The following NPLOC4 variants were observed in gnomAD, a reference collection of about 807,000 sequenced individuals.
The protein encoded by NPLOC4 is nuclear protein localization protein 4 homolog.
A neutral mutation model predicts 80.6 loss-of-function variants in NPLOC4; 18 were observed. That is an observed-to-expected ratio of 0.22 (90% CI 0.15 to 0.33). NPLOC4 has a LOEUF of 0.33. NPLOC4 is among the 10% of genes least tolerant of loss of function. The pLI, the probability that NPLOC4 is intolerant of heterozygous loss-of-function variation, is 1.00. For missense variants in NPLOC4, 540 were observed against 786.1 expected (o/e 0.69, Z 3.74); for synonymous variants, 313 against 301.5 (o/e 1.04, Z -0.39).
At chr17:81,616,392 GGTCAAATATAACCT>G (rs1170764094) in intron 3 of NPLOC4, among the ~76,000 whole-genome samples, 1 of 150,872 alleles carries the variant, frequency 6.6e-6, no homozygotes, top group Non-Finnish European at 1.5e-5. Flanking sequence ...GACCAAGTTT[GGTCAAATATAACCT>G]GTCATAAGAA....
At chr17:81,629,378 C>T (rs141620602) in intron 2 of NPLOC4, among the ~76,000 whole-genome samples, 63 of 151,798 alleles carry the variant, frequency 4.2e-4, no homozygotes, top group African/African-American at 1.5e-3. Context: ...TTTTAGTAGA[C>T]GGGGTTTCAC....
chr17:81,589,531 CAA>C (rs567322005), intron 11 of NPLOC4, among the ~76,000 whole-genome samples: 26 of 122,468 alleles, frequency 2.1e-4, no homozygotes, highest in Admixed American at 4.1e-4. Context: ...GACTCCATCT[CAA>C]AAAAAAAAAA....
chr17:81,605,647 C>CA (rs879678650), intron 7 of NPLOC4, among the ~76,000 whole-genome samples: 19,022 of 127,904 alleles, frequency 0.15, 1,279 homozygotes, highest in East Asian at 0.22. Context: ...GACTCTGTCT[C>CA]AAAAAAAAAA....
In NPLOC4 at chr17:81,597,261, C is replaced by T. The variant is rs1384809030; in HGVS notation, c.977G>A (p.Arg326His). The T allele has an allele frequency of 1.9e-6, 3 of 1,613,424 alleles. No homozygotes were observed. Among genetic ancestry groups the T allele is most frequent in the East Asian group, 2.2e-5 (1 of 44,874 alleles). ...CCACCTCACCTTATTTCGACTGTAG[C>T]GGACGGTACCCTTTCGGGTATCTTC... ...VSEDTRKGTV[R>H]YSRNKDTYFL... Residue 326 changes from arginine to histidine, a missense_variant, in exon 10 of 17, where the codon CGC (arginine) becomes CAC (histidine). Arg to His is a conservative substitution (Grantham distance 29). This residue lies in a region of NPLOC4 where 251 missense variants were observed against 377.5 expected (regional missense o/e 0.66). Transcript: ENST00000331134.
At chr17:81,564,958 G>A (rs1205529440) in intron 16 of NPLOC4, 7 of 295,318 alleles carry the variant, frequency 2.4e-5, no homozygotes, top group East Asian at 1.0e-4. Flanking sequence ...ACCACGGTGC[G>A]TGAGGAGTCC....
intron 12 of NPLOC4, among the ~76,000 whole-genome samples, chr17:81,576,634 A>G (rs1291036958): frequency 8.9e-6 from 1 of 112,310 alleles, no homozygotes; most frequent in African/African-American, 3.7e-5. Flanking sequence ...TATAAAAGAC[A>G]AAGAACGAAA....
chr17:81,624,293 T>G (rs1211421028), intron 2 of NPLOC4, among the ~76,000 whole-genome samples: 1 of 152,022 alleles, frequency 6.6e-6, no homozygotes, highest in African/African-American at 2.4e-5. Context: ...TGGCGGACAC[T>G]TGTTATCCCA....
Position 81,579,250 on chromosome 17 carries a change from C to T in NPLOC4, c.1282-7162G>A, listed in dbSNP as rs372486393. ...GAAATTAGCTGGGCGTGGTGGTGGG[C>T]GCCTGTAATCCCAAGTACCTGGGAA... is the stretch of plus-strand genomic sequence containing the variant. On this transcript the variant is annotated intron_variant, in intron 12 of 16. Transcript: ENST00000331134. 5.9e-5 allele frequency among the ~76,000 whole-genome samples: 9 copies of T among 152,268 alleles called. 1 individual carries two copies. In the East Asian group the frequency reaches 9.6e-4, roughly 16 times the overall value.
At chr17:81,624,567 T>TA (rs1359684954) in intron 2 of NPLOC4, among the ~76,000 whole-genome samples, 1 of 151,700 alleles carries the variant, frequency 6.6e-6, no homozygotes, top group Non-Finnish European at 1.5e-5. Flanking sequence ...CATTACACTC[T>TA]AGCCTGGGCA....
At chr17:81,634,010 C>G (rs1206313496) in intron 1 of NPLOC4, among the ~76,000 whole-genome samples, 1 of 151,836 alleles carries the variant, frequency 6.6e-6, no homozygotes, top group Non-Finnish European at 1.5e-5. Context: ...ACTACAGGTG[C>G]ACGCCACCAC....
chr17:81,573,671 C>T (rs986896947), intron 12 of NPLOC4: 5 of 152,218 alleles, frequency 3.3e-5, no homozygotes, highest in Non-Finnish European at 7.3e-5. Flanking sequence ...TACCCTCACA[C>T]CTTTTCTCTA....
intron 1 of NPLOC4, among the ~76,000 whole-genome samples, chr17:81,632,625 C>A (rs1235441424): frequency 6.6e-6 from 1 of 152,042 alleles, no homozygotes; most frequent in African/African-American, 2.4e-5. Flanking sequence ...CCCTTATTTC[C>A]TTTTTCATAA....
chr17:81,636,746 G>C lies in NPLOC4; in HGVS notation c.15+170C>G, dbSNP rs564781017. Among the ~76,000 whole-genome samples, 5 of 152,300 alleles carry C rather than the reference G, an allele frequency of 3.3e-5. No homozygotes were observed. The East Asian group carries it at 9.6e-4, about 29-fold the overall frequency. ...GGGACACGGACGGGAAGCAGCCGAG[G>C]GGGGTGAAAGTCCCCGAGAGGGGCC... On this transcript the variant is annotated intron_variant, in intron 1 of 16. Transcript: ENST00000331134.
Position 81,630,453 on chromosome 17 carries a change from A to AT in NPLOC4, c.16-649dup, listed in dbSNP as rs1013919398. On this transcript the variant is annotated intron_variant, in intron 1 of 16. Transcript: ENST00000331134. Reference sequence around the variant, plus strand: ...AGGCTTGCACCACCACACCAGGTTAATTTTTTTTTTTGTAGTGACGGAGTG... The same window carrying AT: ...AGGCTTGCACCACCACACCAGGTTAATTTTTTTTTTTTGTAGTGACGGAGTG... Among the ~76,000 whole-genome samples, 113 of 147,396 alleles carry AT rather than the reference A, an allele frequency of 7.7e-4. 1 individual carries two copies. The highest frequency in any genetic ancestry group is 2.1e-3 in the African/African-American group (85 of 40,410).
intron 3 of NPLOC4, among the ~76,000 whole-genome samples, chr17:81,616,185 G>A (rs1406212013): frequency 6.6e-6 from 1 of 151,748 alleles, no homozygotes; most frequent in Non-Finnish European, 1.5e-5. Flanking sequence ...GCCGGGGGTG[G>A]TGGCGGGCAC....
At chr17:81,597,560 G>A (rs1028652476) in intron 9 of NPLOC4, among the ~76,000 whole-genome samples, 2 of 152,050 alleles carry the variant, frequency 1.3e-5, no homozygotes, top group Admixed American at 6.6e-5. Context: ...CGAGGCGGGT[G>A]GATCACCCGA....
At chr17:81,618,409 C>G (rs1286910360) in intron 3 of NPLOC4, among the ~76,000 whole-genome samples, 2 of 147,020 alleles carry the variant, frequency 1.4e-5, no homozygotes, top group African/African-American at 5.1e-5. Flanking sequence ...AGTGAGGAGC[C>G]CCTCCGCCCC....
intron 12 of NPLOC4, chr17:81,573,403 A>G (rs1211579033): frequency 1.3e-5 from 2 of 152,144 alleles, no homozygotes; most frequent in Non-Finnish European, 2.9e-5. Context: ...AGCTGTTCCC[A>G]AGTCAAACCA....
intron 8 of NPLOC4, among the ~76,000 whole-genome samples, chr17:81,603,618 A>T (rs981550230): frequency 2.6e-5 from 4 of 152,148 alleles, no homozygotes; most frequent in African/African-American, 9.7e-5. Flanking sequence ...AATAAAAATT[A>T]AAAATTTCTA....
Sources: allele counts gnomAD v4.1 joint callset (sites outside exome capture counted in the v4.1 genomes callset), GRCh38; gene constraint gnomAD v4.1.1; regional missense constraint gnomAD v4.1.1; transcripts MANE v1.5; gene names NCBI Gene and HGNC (gene_info 2026-07-23, HGNC 2026-07-21).